The following SNAP47 variants were observed in gnomAD, a reference collection of about 807,000 sequenced individuals.
SNAP47 encodes the protein synaptosomal-associated protein 47.
In SNAP47, 20 loss-of-function variants were observed where a neutral mutation model predicts 31.4. The observed-to-expected ratio is 0.64, with a 90% confidence interval of 0.45 to 0.93. SNAP47 has a LOEUF of 0.93. Among genes scored for constraint, SNAP47 ranks in the 40% least tolerant of loss-of-function variants. The pLI is 0.00. For missense variants in SNAP47, 492 were observed against 528.5 expected (o/e 0.93, Z 0.68); for synonymous variants, 194 against 213.4 (o/e 0.91, Z 0.79).
chr1:227,748,547 C>T (rs1662132630), intron 2 of SNAP47, among the ~76,000 whole-genome samples: 1 of 152,256 alleles, frequency 6.6e-6, no homozygotes, highest in Non-Finnish European at 1.5e-5. Flanking sequence ...CAAGCAGAGA[C>T]TGTGCTGTGA....
intron 2 of SNAP47, 69 bp downstream of exon 2, chr1:227,748,302 C>T (rs1379494432): frequency 6.9e-6 from 10 of 1,442,942 alleles, no homozygotes; most frequent in Non-Finnish European, 9.2e-6. Flanking sequence ...GGCTCACAGG[C>T]ACTGTTCCAG....
At chr1:227,778,820 C>T (rs2103006189) in intron 4 of SNAP47, among the ~76,000 whole-genome samples, 1 of 152,302 alleles carries the variant, frequency 6.6e-6, no homozygotes, top group Non-Finnish European at 1.5e-5. Flanking sequence ...TTTCCAGAGC[C>T]CCATCCAGCG....
chr1:227,779,398 C>T (rs953340611), intron 4 of SNAP47, among the ~76,000 whole-genome samples: 3 of 152,122 alleles, frequency 2.0e-5, no homozygotes, highest in African/African-American at 4.8e-5. Flanking sequence ...CTGGGCGGAG[C>T]GTGGGGAGGC....
At chr1:227,760,853 A>G (rs1415417631) in intron 3 of SNAP47, among the ~76,000 whole-genome samples, 3 of 152,194 alleles carry the variant, frequency 2.0e-5, no homozygotes, top group Admixed American at 2.0e-4. Flanking sequence ...GGCTATAGCC[A>G]CTTCCTCTAG....
chr1:227,773,789 G>A (rs1285275892), intron 4 of SNAP47, among the ~76,000 whole-genome samples: 3 of 152,182 alleles, frequency 2.0e-5, no homozygotes, highest in East Asian at 1.9e-4. Flanking sequence ...CTACACAGCC[G>A]GCCACCACAG....
In SNAP47 at chr1:227,741,346, T is replaced by C. The variant is rs117262684; in HGVS notation, c.-46+5847T>C. ...CAAGGAGAGTGGACGCAGGCACTCA[T>C]GGAAGTGGGGCTGGAGACCTGGAGA... On this transcript the variant is annotated intron_variant, in intron 1 of 4. Coordinates refer to ENST00000617596, the MANE Select transcript of SNAP47 (RefSeq NM_053052.4). The surrounding 1 kb of genome is among the most constrained non-coding windows in gnomAD (Gnocchi z 4.2). 6.6e-6 allele frequency among the ~76,000 whole-genome samples: 1 copy of C among 152,066 alleles called. No homozygotes were observed. Among genetic ancestry groups the C allele is most frequent in the Non-Finnish European group, 1.5e-5 (1 of 67,992 alleles).
At position 227,741,275 on chromosome 1, in the gene SNAP47, G is replaced by A. The variant is rs554014102; in HGVS notation, c.-46+5776G>A. Among the ~76,000 whole-genome samples, 1 of 152,274 alleles carries A rather than the reference G, an allele frequency of 6.6e-6. No homozygotes were observed. The highest frequency in any genetic ancestry group is 1.9e-4 in the East Asian group (1 of 5,182). ...CACCTGGAAAAAGAGGGTGCAAGGAGGAGAGGTTGTGCCCTGTGCAGTCAG... is the reference window on the plus strand; with the variant it reads ...CACCTGGAAAAAGAGGGTGCAAGGAAGAGAGGTTGTGCCCTGTGCAGTCAG... On this transcript the variant is annotated intron_variant, in intron 1 of 4. Transcript: ENST00000617596. This position sits in a 1 kb window ranked among gnomAD's most constrained non-coding sequence, Gnocchi z 4.2.
Position 227,780,714 on chromosome 1 carries a change from C to A in SNAP47, c.*41C>A. 2 of 1,610,934 alleles carry A rather than the reference C, an allele frequency of 1.2e-6. No individual in the cohort carries two copies. The highest frequency in any genetic ancestry group is 1.7e-6 in the Non-Finnish European group (2 of 1,178,116). ...GCATTCCTGTCTCACCCTGCACATC[C>A]CGCTGAGATGGAGGGCTGGGCGGCA... On this transcript the variant is annotated 3_prime_UTR_variant, in exon 5 of 5. Transcript: ENST00000617596.
Position 227,780,792 on chromosome 1 carries a change from G to A in SNAP47, c.*119G>A. On this transcript the variant is annotated 3_prime_UTR_variant, in exon 5 of 5. Transcript: ENST00000617596. ...CTCCGGAGTGGTCTTCCTCTGGATG[G>A]GGCTGCTACTGTGGGGCTGCTTCTG... 7.1e-7 allele frequency: 1 copy of A among 1,401,870 alleles called. No individual in the cohort carries two copies. Among genetic ancestry groups the A allele is most frequent in the Non-Finnish European group, 9.6e-7 (1 of 1,039,038 alleles). 86.8% of individuals were successfully genotyped at this position (1,401,870 alleles called of 1,614,324 possible).
At chr1:227,743,403 G>A (rs1270110378) in intron 1 of SNAP47, among the ~76,000 whole-genome samples, 1 of 152,180 alleles carries the variant, frequency 6.6e-6, no homozygotes, top group African/African-American at 2.4e-5. Flanking sequence ...GCTGAGACAG[G>A]TTCTCACAAG....
At chr1:227,733,402 G>A (rs1257704334), upstream of SNAP47, 3 of 1,567,458 alleles carry the variant, frequency 1.9e-6, no homozygotes, top group Non-Finnish European at 2.6e-6. Context: ...GGCAGGAGAA[G>A]CAGCACATTA....
At chr1:227,775,788 G>A in intron 4 of SNAP47, 2 of 1,303,916 alleles carry the variant, frequency 1.5e-6, no homozygotes, top group African/African-American at 3.0e-5. Context: ...TTGCTCTGCA[G>A]GGCTTCCGGC....
upstream of SNAP47, chr1:227,734,943 CG>C (rs1660975334): frequency 3.3e-6 from 5 of 1,497,600 alleles, no homozygotes; most frequent in African/African-American, 4.2e-5. Flanking sequence ...CCTCTCTAGG[CG>C]GGGGCCTCCC....
chr1:227,780,638 G>A lies in SNAP47; in HGVS notation c.1225G>A (p.Asp409Asn), dbSNP rs372201194. 38 of 1,614,060 alleles carry A rather than the reference G, an allele frequency of 2.4e-5. No homozygotes were observed. Among genetic ancestry groups the A allele is most frequent in the South Asian group, 1.4e-4 (13 of 91,090 alleles). The change falls in exon 5 of 5, where the codon GAC (aspartate) becomes AAC (asparagine). Residue 409 changes from aspartate to asparagine, a missense_variant. Transcript: ENST00000617596. ...TGTGGACAGGGCAACCTTGACCATC[G>A]ACAAGCACAACAGGCGGATGAAGAG... Reference protein sequence around the residue: ...AAVDRATLTIDKHNRRMKRLT With the variant: ...AAVDRATLTINKHNRRMKRLT
chr1:227,756,824 C>T (rs544054362), intron 2 of SNAP47, among the ~76,000 whole-genome samples: 42 of 152,356 alleles, frequency 2.8e-4, no homozygotes, highest in Admixed American at 1.8e-3. Context: ...CAGGGCTGAG[C>T]GTCCTGGTCC....
chr1:227,760,000 GTC>G (rs1256187620), intron 3 of SNAP47, among the ~76,000 whole-genome samples: 1 of 152,212 alleles, frequency 6.6e-6, no homozygotes, highest in East Asian at 1.9e-4. Flanking sequence ...CCCCTTGAGT[GTC>G]TCTGCCACAA....
intron 1 of SNAP47, 66 bp from the exon 2 acceptor site, chr1:227,747,626 T>C (rs1662051398): frequency 1.3e-6 from 2 of 1,496,994 alleles, no homozygotes; most frequent in Non-Finnish European, 9.0e-7. Flanking sequence ...GGCAGCATCC[T>C]TGTGGGGTTG....
At chr1:227,759,758 T>C in intron 3 of SNAP47, 1 of 486,462 alleles carries the variant, frequency 2.1e-6, no homozygotes, top group Middle Eastern at 5.6e-4. Flanking sequence ...TTGGATACAG[T>C]TTATCCTCAC....
At chr1:227,732,308 G>A (rs1001922513), upstream of SNAP47, 5 of 1,503,166 alleles carry the variant, frequency 3.3e-6, no homozygotes, top group Admixed American at 1.7e-5. Context: ...CCAGGTCACA[G>A]GGAGGGCGGT....
Sources: allele counts gnomAD v4.1 joint callset (sites outside exome capture counted in the v4.1 genomes callset), GRCh38; gene constraint gnomAD v4.1.1; non-coding constraint Gnocchi (gnomAD v3.1); transcripts MANE v1.5; gene names NCBI Gene and HGNC (gene_info 2026-07-23, HGNC 2026-07-21).